SMG1: variants seen among roughly 807,000 people sequenced by gnomAD.
The protein encoded by SMG1 is serine/threonine-protein kinase SMG1.
A neutral mutation model predicts 419.9 loss-of-function variants in SMG1; 22 were observed. The observed-to-expected ratio is 0.05, with a 90% confidence interval of 0.04 to 0.07. SMG1 has a LOEUF of 0.07. Ranked by LOEUF, SMG1 falls within the 10% of genes least tolerant of loss-of-function variation. The pLI, the probability that SMG1 is intolerant of heterozygous loss-of-function variation, is 1.00. For missense variants in SMG1, 3,185 were observed against 4,342.0 expected (o/e 0.73, Z 7.49); for synonymous variants, 1,538 against 1,553.5 (o/e 0.99, Z 0.23).
intron 1 of SMG1, among the ~76,000 whole-genome samples, chr16:18,908,333 C>T (rs979709735): frequency 2.0e-5 from 3 of 150,332 alleles, no homozygotes; most frequent in African/African-American, 4.9e-5. Flanking sequence ...CCACTACACT[C>T]CAGCCTGGAG....
In SMG1 at chr16:18,841,801, A is replaced by G. The variant is rs1329379883; in HGVS notation, c.6467-7T>C. The stretch of plus-strand genomic sequence containing the variant: ...AGATGTAAATCCTCCAGTCCTATGA[A>G]AACAAAATTAAAATAGCTAGGATAG... On this transcript the variant is annotated splice_polypyrimidine_tract_variant and splice_region_variant and intron_variant, in intron 40 of 62. Coordinates refer to ENST00000446231, the MANE Select transcript of SMG1 (RefSeq NM_015092.5). The G allele has an allele frequency of 6.2e-7, 1 of 1,610,122 alleles. No individual in the cohort carries two copies. The highest frequency in any genetic ancestry group is 8.5e-7 in the Non-Finnish European group (1 of 1,176,382).
chr16:18,898,218 CAATT>C (rs2037211497), intron 1 of SMG1, among the ~76,000 whole-genome samples: 1 of 152,232 alleles, frequency 6.6e-6, no homozygotes, highest in East Asian at 1.9e-4. Context: ...ACAACAGGTC[CAATT>C]AAACTTGGAT....
intron 33 of SMG1, among the ~76,000 whole-genome samples, chr16:18,850,686 C>A (rs751303773): frequency 1.3e-5 from 2 of 152,126 alleles, no homozygotes; most frequent in Non-Finnish European, 2.9e-5. Context: ...TTAGCAAAGA[C>A]TAGACTTTTC....
At chr16:18,910,407 T>C (rs2037747304) in intron 1 of SMG1, among the ~76,000 whole-genome samples, 6 of 151,750 alleles carry the variant, frequency 4.0e-5, no homozygotes, top group Admixed American at 3.9e-4. Flanking sequence ...ATTTTTGTAT[T>C]TTTAGTAGAG....
rs2032326412 is a variant in SMG1 at position 18,819,520 on chromosome 16, C to G, written c.9876G>C (p.Glu3292Asp). Residue 3292 changes from glutamate (E) to aspartate (D), a missense_variant, in exon 56 of 63, where the codon GAG becomes GAC. Transcript: ENST00000446231. ...IAERRNLVLK[E>D]SQRASQVTFL... ...ACAATACCTGACTTGCTCTTTGGCT[C>G]TCTTTAAGGACAAGATTTCTTCTTT... 2 of 1,610,472 alleles carry G rather than the reference C, an allele frequency of 1.2e-6. No individual in the cohort carries two copies. The highest frequency in any genetic ancestry group is 8.5e-7 in the Non-Finnish European group (1 of 1,178,212).
At chr16:18,905,973 C>T (rs2037544878) in intron 1 of SMG1, among the ~76,000 whole-genome samples, 1 of 152,118 alleles carries the variant, frequency 6.6e-6, no homozygotes, top group South Asian at 2.1e-4. Context: ...ACACTCTTGC[C>T]TATACCCTTA....
At chr16:18,867,810 G>A (rs1276375807) in intron 22 of SMG1, among the ~76,000 whole-genome samples, 4 of 140,950 alleles carry the variant, frequency 2.8e-5, no homozygotes, top group South Asian at 2.4e-4. Flanking sequence ...CCGGGTTCAC[G>A]CCATTCTCCT....
At chr16:18,907,745 A>G (rs1216235713) in intron 1 of SMG1, among the ~76,000 whole-genome samples, 1 of 142,636 alleles carries the variant, frequency 7.0e-6, no homozygotes, top group Non-Finnish European at 1.5e-5. Flanking sequence ...CCAGCTACTC[A>G]GGGGGCTGAG....
intron 57 of SMG1, 62 bp from the exon 58 acceptor site, chr16:18,816,591 A>T (rs545414938): frequency 1.5e-6 from 2 of 1,356,996 alleles, no homozygotes; most frequent in African/African-American, 1.4e-5. Flanking sequence ...TTCTTTCTTC[A>T]TTAACATCAT....
At chr16:18,827,124 G>A (rs902343965) in intron 55 of SMG1, among the ~76,000 whole-genome samples, 1 of 152,052 alleles carries the variant, frequency 6.6e-6, no homozygotes, top group Non-Finnish European at 1.5e-5. Context: ...TTACCTTGGA[G>A]GGTAAGAAAT....
At position 18,877,124 on chromosome 16, in the gene SMG1, T is replaced by C. The variant is rs1244855833; in HGVS notation, c.1620+7A>G. 6.5e-7 allele frequency: 1 copy of C among 1,534,470 alleles called. No individual in the cohort carries two copies. The highest frequency in any genetic ancestry group is 2.3e-5 in the East Asian group (1 of 43,332). On this transcript the variant is annotated splice_region_variant and intron_variant, in intron 12 of 62. Coordinates refer to ENST00000446231, the MANE Select transcript of SMG1 (RefSeq NM_015092.5). ...TTGTCAAAATTCATTATCAATGTATTACTTACCTCTTTTTCTTTATGATAA... is the reference window on the plus strand; with the variant it reads ...TTGTCAAAATTCATTATCAATGTATCACTTACCTCTTTTTCTTTATGATAA...
In SMG1 at chr16:18,845,689, T is replaced by G. The variant is rs779776404; in HGVS notation, c.5997-38A>C. Reference sequence around the variant, plus strand: ...ACATTTTTATTCAAAAACTTAAATGTGTACATTAAAGTTTTACACAAACAT... The same window carrying G: ...ACATTTTTATTCAAAAACTTAAATGGGTACATTAAAGTTTTACACAAACAT... On this transcript the variant is annotated intron_variant, in intron 38 of 62. Transcript: ENST00000446231. 2.0e-6 allele frequency: 3 copies of G among 1,530,094 alleles called. No homozygotes were observed. In the Admixed American group the frequency reaches 5.4e-5, roughly 27 times the overall value. 94.8% of individuals were successfully genotyped at this position (1,530,094 alleles called of 1,614,324 possible). A position where few individuals can be genotyped will look rare whatever the true frequency, so the allele number is the denominator to read the frequency against.
In SMG1 at chr16:18,828,136, T is replaced by C; in HGVS notation, c.9636A>G (p.Pro3212=). The C allele has an allele frequency of 6.2e-7, 1 of 1,613,588 alleles. No individual in the cohort carries two copies. Residue 3212 remains proline (P), a synonymous_variant, in exon 55 of 63, where the codon CCA becomes CCG. Coordinates refer to ENST00000446231, the MANE Select transcript of SMG1 (RefSeq NM_015092.5). ...GGGGAGGTGTGACTGACATGGCTTGTGGTCTATTGATAAGTAGATCTTCAT... is the reference window on the plus strand; with the variant it reads ...GGGGAGGTGTGACTGACATGGCTTGCGGTCTATTGATAAGTAGATCTTCAT... ...WQHEDLLINR[P]QAMSVTPPPR...
Position 18,903,931 on chromosome 16 carries a change from TG to T in SMG1, c.93-6976del, listed in dbSNP as rs1359977017. On this transcript the variant is annotated intron_variant, in intron 1 of 62. Coordinates refer to ENST00000446231, the MANE Select transcript of SMG1 (RefSeq NM_015092.5). Reference sequence around the variant, plus strand: ...TCCCCCCATTTTCCAAGGTATGTCTTGTCTTTTTTTTTTTTTTTTTTTTTGA... The same window carrying T: ...TCCCCCCATTTTCCAAGGTATGTCTTTCTTTTTTTTTTTTTTTTTTTTTGA... Among the ~76,000 whole-genome samples the T allele has an allele frequency of 8.0e-3, 1,079 of 135,542 alleles. 20 individuals are homozygous for T. Among genetic ancestry groups the T allele is most frequent in the African/African-American group, 0.03 (1,043 of 35,154 alleles). The allele number at this position is 135,542 out of a possible 152,430, so 88.9% of individuals were successfully genotyped here. A position where few individuals can be genotyped will look rare whatever the true frequency, so the allele number is the denominator to read the frequency against.
At chr16:18,882,097 A>G in intron 10 of SMG1, 68 bp downstream of exon 10, 1 of 1,105,964 alleles carries the variant, frequency 9.0e-7, no homozygotes, top group Non-Finnish European at 1.3e-6. Context: ...CACCAGGTAA[A>G]GAGAAGCATT....
chr16:18,868,198 G>A lies in SMG1; in HGVS notation c.3187C>T (p.Leu1063=). The A allele has an allele frequency of 6.3e-7, 1 of 1,576,988 alleles. No homozygotes were observed. Among genetic ancestry groups the A allele is most frequent in the Non-Finnish European group, 8.6e-7 (1 of 1,169,434 alleles). The stretch of plus-strand genomic sequence containing the variant: ...CAAACACACCACATTACCTGAGATA[G>A]GCTGGTTGTTTTCATCTCTGTAAGC... ...DLLTEMKTTS[L]SQGNELEVTI... Residue 1063 remains leucine (L), a synonymous_variant, in exon 22 of 63, where the codon CTA becomes TTA. Coordinates refer to ENST00000446231, the MANE Select transcript of SMG1 (RefSeq NM_015092.5).
Position 18,827,853 on chromosome 16 carries a change from T to C in SMG1, c.9741+178A>G, listed in dbSNP as rs959142789. ...TTTTTATATATCTTTGGTATATATATACCTATATATATATATATATGTATA... is the reference window on the plus strand; with the variant it reads ...TTTTTATATATCTTTGGTATATATACACCTATATATATATATATATGTATA... On this transcript the variant is annotated intron_variant, in intron 55 of 62. Transcript: ENST00000446231. 1.0e-4 allele frequency among the ~76,000 whole-genome samples: 7 copies of C among 68,412 alleles called. No individual in the cohort carries two copies. The East Asian group carries it at 2.8e-3, about 27-fold the overall frequency. 44.9% of individuals were successfully genotyped at this position (68,412 alleles called of 152,430 possible). A position where few individuals can be genotyped will look rare whatever the true frequency, so the allele number is the denominator to read the frequency against.
intron 12 of SMG1, 101 bp from the exon 13 acceptor site, chr16:18,876,494 T>C (rs1359369202): frequency 2.2e-6 from 3 of 1,392,222 alleles, no homozygotes; most frequent in Non-Finnish European, 2.9e-6. Context: ...ACGATACAAA[T>C]AAATTTAAGA....
At chr16:18,918,787 C>T (rs58686769) in intron 1 of SMG1, among the ~76,000 whole-genome samples, 10,001 of 152,104 alleles carry the variant, frequency 0.066, 1,098 homozygotes, top group African/African-American at 0.23. Flanking sequence ...GAGGTCAAGG[C>T]GGGCAGATCA....
Sources: gnomAD v4.1 joint callset for allele counts (sites outside exome capture counted in the v4.1 genomes callset) on GRCh38, gnomAD v4.1.1 for gene constraint, MANE v1.5 for transcripts, NCBI Gene and HGNC (gene_info 2026-07-23, HGNC 2026-07-21) for gene names.